The following SLC29A3 variants were observed in gnomAD, a reference collection of about 807,000 sequenced individuals.
SLC29A3 encodes solute carrier family 29 member 3.
A neutral mutation model predicts 25.4 loss-of-function variants in SLC29A3; 18 were observed. That is an observed-to-expected ratio of 0.71 (90% confidence interval 0.49 to 1.05). The LOEUF is 1.05. Among genes scored for constraint, SLC29A3 ranks in the 50% least tolerant of loss-of-function variants. SLC29A3 has a pLI of 0.00. For synonymous variants in SLC29A3, 258 were observed against 267.1 expected (o/e 0.97, Z 0.33); for missense variants, 586 against 609.0 (o/e 0.96, Z 0.40).
Position 71,319,381 on chromosome 10 carries a change from C to G in SLC29A3, c.1+71C>G, listed in dbSNP as rs1471502339. On this transcript the variant is annotated intron_variant, in intron 1 of 5. Transcript: ENST00000373189. ...CCCCCAGACTCGCGCTCAGCGACCT[C>G]CCTCCCGGGCCCTGGGGGCGGCTGC... The G allele has an allele frequency of 1.0e-5, 6 of 586,498 alleles. No homozygotes were observed. The East Asian group carries it at 2.0e-4, about 19-fold the overall frequency. The allele number at this position is 586,498 out of a possible 1,614,324, so 36.3% of individuals were successfully genotyped here.
chr10:71,363,952 A>G (rs1219397317), downstream of SLC29A3, among the ~76,000 whole-genome samples: 5 of 151,692 alleles, frequency 3.3e-5, no homozygotes, highest in African/African-American at 1.2e-4. Context: ...CTATCTAAAA[A>G]CTAGTAATAG....
At chr10:71,365,331 GC>G (rs1444138434), downstream of SLC29A3, 1 of 152,304 alleles carries the variant, frequency 6.6e-6, no homozygotes, top group Non-Finnish European at 1.5e-5. Flanking sequence ...CCATCTTGGA[GC>G]GATCACCTTG....
At chr10:71,354,738 A>C (rs1846852848) in intron 4 of SLC29A3, among the ~76,000 whole-genome samples, 1 of 152,134 alleles carries the variant, frequency 6.6e-6, no homozygotes, top group South Asian at 2.1e-4. Flanking sequence ...CCGCCAGTCA[A>C]CCCAGCTCAT....
At position 71,322,947 on chromosome 10, in the gene SLC29A3, C is replaced by T. The variant is rs377119158; in HGVS notation, c.193C>T (p.Leu65=). 93 of 1,614,050 alleles carry T rather than the reference C, an allele frequency of 5.8e-5. No homozygotes were observed. Among genetic ancestry groups the T allele is most frequent in the Middle Eastern group, 4.9e-4 (3 of 6,084 alleles). The change falls in exon 2 of 6, where the codon CTA becomes TTA. Residue 65 remains leucine, a synonymous_variant. Coordinates refer to ENST00000373189, the MANE Select transcript of SLC29A3 (RefSeq NM_018344.6). ...IIFFSLGIGS[L]LPWNFFITAK... is the part of the protein sequence containing the mutation. ...CTTCTTCAGCCTGGGCATTGGCAGT[C>T]TACTGCCATGGAACTTCTTTATCAC...
At chr10:71,348,179 C>CT (rs1410081086) in intron 3 of SLC29A3, among the ~76,000 whole-genome samples, 5 of 152,266 alleles carry the variant, frequency 3.3e-5, no homozygotes, top group Admixed American at 1.3e-4. Flanking sequence ...TACCCAGTGC[C>CT]TGCCAGGCCC....
In SLC29A3 at chr10:71,322,813, C is replaced by G. The variant is rs754138983; in HGVS notation, c.59C>G (p.Thr20Arg). ...AGTTCAAACTCCACCTACAGAACCA[C>G]AAGCAGCAGTCTCCGAGCTGACCAG... ...QHSSNSTYRT[T>R]SSSLRADQEA... The change falls in exon 2 of 6, where the codon ACA becomes AGA. Residue 20 changes from threonine to arginine, a missense_variant. Coordinates refer to ENST00000373189, the MANE Select transcript of SLC29A3 (RefSeq NM_018344.6). The G allele has an allele frequency of 9.3e-6, 15 of 1,614,090 alleles. No individual in the cohort carries two copies. Among genetic ancestry groups the G allele is most frequent in the South Asian group, 7.7e-5 (7 of 91,088 alleles).
At chr10:71,356,367 A>G in intron 5 of SLC29A3, 124 bp downstream of exon 5, 4 of 1,239,142 alleles carry the variant, frequency 3.2e-6, no homozygotes, top group Non-Finnish European at 4.5e-6. Flanking sequence ...GCAGTTGTTC[A>G]ACAAATAGGC....
In SLC29A3 at chr10:71,350,314, C is replaced by CTTGTGTGTGT. The variant is rs1554816962; in HGVS notation, c.384-1248_384-1247insTTGTGTGTGT. On this transcript the variant is annotated intron_variant, in intron 3 of 5. Coordinates refer to ENST00000373189, the MANE Select transcript of SLC29A3 (RefSeq NM_018344.6). ...TTTCTTGCTCATCATTTCACACCTA[C>CTTGTGTGTGT]GTGTGTGTGTGTGTGTGTGTGTGTG... Among the ~76,000 whole-genome samples the CTTGTGTGTGT allele has an allele frequency of 9.8e-5, 14 of 142,472 alleles. No individual in the cohort carries two copies. The East Asian group carries it at 1.6e-3, about 17-fold the overall frequency. The allele number at this position is 142,472 out of a possible 152,430, so 93.5% of individuals were successfully genotyped here. A position where few individuals can be genotyped will look rare whatever the true frequency, so the allele number is the denominator to read the frequency against.
chr10:71,373,084 T>C (rs917859365), intron 3 of SLC29A3, among the ~76,000 whole-genome samples: 1 of 152,194 alleles, frequency 6.6e-6, no homozygotes, highest in African/African-American at 2.4e-5. Flanking sequence ...ACCTCCTATC[T>C]GTCCTCTGGA....
At chr10:71,360,741 T>C (rs569140441) in intron 5 of SLC29A3, among the ~76,000 whole-genome samples, 1 of 152,334 alleles carries the variant, frequency 6.6e-6, no homozygotes, top group African/African-American at 2.4e-5. Context: ...TGTAGGGATA[T>C]TCATTGCAAC....
At chr10:71,345,132 T>C (rs904777263) in intron 3 of SLC29A3, among the ~76,000 whole-genome samples, 3 of 152,106 alleles carry the variant, frequency 2.0e-5, no homozygotes, top group African/African-American at 7.2e-5. Flanking sequence ...GCACCACGAG[T>C]GTCTTTTACA....
At chr10:71,345,769 G>C (rs1004367054) in intron 3 of SLC29A3, among the ~76,000 whole-genome samples, 1 of 152,342 alleles carries the variant, frequency 6.6e-6, no homozygotes, top group Middle Eastern at 3.4e-3. Flanking sequence ...GGCAGAGCAG[G>C]GGTCCCGGCT....
In SLC29A3 at chr10:71,351,600, T is replaced by A. The variant is rs766076886; in HGVS notation, c.422T>A (p.Val141Asp). ...VHIRVLASLT[V>D]ILAIFMVITA... is the part of the protein sequence containing the mutation. ...ATCCGTGTCCTGGCCTCACTGACGG[T>A]CATCCTGGCCATCTTCATGGTGATA... The change falls in exon 4 of 6, where the codon GTC becomes GAC. Residue 141 changes from valine to aspartate, a missense_variant. Physicochemically the swap from Val to Asp is radical, Grantham distance 152. Coordinates refer to ENST00000373189, the MANE Select transcript of SLC29A3 (RefSeq NM_018344.6). The A allele has an allele frequency of 6.2e-7, 1 of 1,614,218 alleles. No individual in the cohort carries two copies. Among genetic ancestry groups the A allele is most frequent in the South Asian group, 1.1e-5 (1 of 91,078 alleles).
At chr10:71,343,670 G>A (rs1021989456) in intron 2 of SLC29A3, among the ~76,000 whole-genome samples, 2 of 152,164 alleles carry the variant, frequency 1.3e-5, no homozygotes, top group Non-Finnish European at 2.9e-5. Flanking sequence ...GAAAACCCAA[G>A]CGAGCGGTGC....
intron 2 of SLC29A3, among the ~76,000 whole-genome samples, chr10:71,341,840 G>A (rs1846417446): frequency 6.6e-6 from 1 of 152,204 alleles, no homozygotes; most frequent in Admixed American, 6.5e-5. Flanking sequence ...CACTCCAGTT[G>A]TTGGCAGAAT....
rs554552973 is a variant in SLC29A3, at chr10:71,368,926, G to A, written c.*95-6769G>A. ...GCAATGCACATAAAACATTTGGAAT[G>A]GAGCCTAGTGCTACAGATGAATGTT... On this transcript the variant is annotated intron_variant and NMD_transcript_variant, in intron 3 of 4. Transcript: ENST00000642772. Among the ~76,000 whole-genome samples, 7 of 152,338 alleles carry A rather than the reference G, an allele frequency of 4.6e-5. No individual in the cohort carries two copies. The South Asian group carries it at 1.4e-3, about 32-fold the overall frequency.
chr10:71,363,801 C>G (rs201685201), downstream of SLC29A3, among the ~76,000 whole-genome samples: 4 of 15,042 alleles, frequency 2.7e-4, no homozygotes, highest in African/African-American at 5.5e-4. Flanking sequence ...TTCTTTTTTT[C>G]CTTTTTCTTT....
intron 5 of SLC29A3, among the ~76,000 whole-genome samples, chr10:71,357,300 A>C (rs1014105310): frequency 1.3e-5 from 2 of 152,062 alleles, no homozygotes; most frequent in Admixed American, 1.3e-4. Context: ...CTGTAGTCCC[A>C]GCTACTCGGG....
At chr10:71,372,571 C>T (rs951516561) in intron 3 of SLC29A3, among the ~76,000 whole-genome samples, 1 of 152,136 alleles carries the variant, frequency 6.6e-6, no homozygotes, top group Non-Finnish European at 1.5e-5. Context: ...GAGAACCCCA[C>T]GAGGAGAACC....
Sources: gnomAD v4.1 joint callset for allele counts (sites outside exome capture counted in the v4.1 genomes callset) on GRCh38, gnomAD v4.1.1 for gene constraint, MANE v1.5 for transcripts, NCBI Gene and HGNC (gene_info 2026-07-23, HGNC 2026-07-21) for gene names.